The following TIMM23 variants were observed in gnomAD, a reference collection of about 807,000 sequenced individuals.
The protein encoded by TIMM23 is translocase of inner mitochondrial membrane 23, also known as mitochondrial import inner membrane translocase subunit Tim23.
TIMM23 carries 19 observed loss-of-function variants against 30.7 expected under a neutral mutation model. That is an observed-to-expected ratio of 0.62 (90% CI 0.43 to 0.91). TIMM23 has a LOEUF of 0.91. TIMM23 is among the 40% of genes least tolerant of loss of function. TIMM23 has a pLI of 0.00. For missense variants in TIMM23, 202 were observed against 269.2 expected (o/e 0.75, Z 1.75); for synonymous variants, 78 against 98.5 (o/e 0.79, Z 1.23).
intron 6 of TIMM23, among the ~76,000 whole-genome samples, chr10:45,992,064 T>C (rs1293164950): frequency 1.3e-5 from 2 of 151,900 alleles, no homozygotes; most frequent in Non-Finnish European, 2.9e-5. Context: ...ACTCCTGGGC[T>C]CAAGGGATCC....
intron 5 of TIMM23, among the ~76,000 whole-genome samples, chr10:45,985,737 A>C (rs1759742597): frequency 6.6e-6 from 1 of 152,234 alleles, no homozygotes; most frequent in Non-Finnish European, 1.5e-5. Flanking sequence ...AAATCCAGGT[A>C]ATTTAGGTCC....
chr10:45,995,491 A>G (rs1838301034), intron 6 of TIMM23, among the ~76,000 whole-genome samples: 1 of 137,936 alleles, frequency 7.2e-6, no homozygotes, highest in Non-Finnish European at 1.5e-5. Context: ...ATTCAGAAGA[A>G]GCTGGAATCC....
rs1475721146 is a variant in TIMM23, at chr10:45,977,994, C to T, written c.165+2482C>T. 5.1e-4 allele frequency among the ~76,000 whole-genome samples: 77 copies of T among 151,700 alleles called. 2 individuals carry two copies. Among genetic ancestry groups the T allele is most frequent in the African/African-American group, 2.9e-4 (12 of 41,336 alleles). On this transcript the variant is annotated intron_variant, in intron 2 of 6. Coordinates refer to ENST00000580018, the MANE Select transcript of TIMM23 (RefSeq NM_006327.4). ...TGCGGTGAGCCAAGATCGCGCCACCCGCACTTCAGCCTGGGCAACAGAGTA... is the reference window on the plus strand; with the variant it reads ...TGCGGTGAGCCAAGATCGCGCCACCTGCACTTCAGCCTGGGCAACAGAGTA...
rs1837521314 is a variant in TIMM23 at position 45,972,563 on chromosome 10, C to A, written c.-62C>A. On this transcript the variant is annotated 5_prime_UTR_variant, in exon 1 of 7. Transcript: ENST00000580018. Reference sequence around the variant, plus strand: ...GTTACCCGCTGTTATTGAGGAGTAACGGCCCAGCGGACCACCCAGGCTTGA... The same window carrying A: ...GTTACCCGCTGTTATTGAGGAGTAAAGGCCCAGCGGACCACCCAGGCTTGA... 9 of 1,565,354 alleles carry A rather than the reference C, an allele frequency of 5.7e-6. No individual in the cohort carries two copies. Among genetic ancestry groups the A allele is most frequent in the East Asian group, 4.6e-5 (2 of 43,664 alleles).
In TIMM23 at chr10:45,993,213, T is replaced by C. The variant is rs1442053917; in HGVS notation, c.514+4366T>C. Among the ~76,000 whole-genome samples, 11 of 146,192 alleles carry C rather than the reference T, an allele frequency of 7.5e-5. No homozygotes were observed. In the Admixed American group the frequency reaches 7.7e-4, roughly 10 times the overall value. Reference sequence around the variant, plus strand: ...GCCAAATGACCCTTCTAGTACTTGCTAACGTTTGCCAGTGTGAGCATCTAC... The same window carrying C: ...GCCAAATGACCCTTCTAGTACTTGCCAACGTTTGCCAGTGTGAGCATCTAC... On this transcript the variant is annotated intron_variant, in intron 6 of 6. Transcript: ENST00000580018.
chr10:45,991,637 GCTA>G (rs2132270338), intron 6 of TIMM23, among the ~76,000 whole-genome samples: 1 of 152,178 alleles, frequency 6.6e-6, no homozygotes, highest in East Asian at 1.9e-4. Context: ...TGAAATCCCA[GCTA>G]CTCGGGAGGC....
chr10:45,977,683 A>C (rs1175587450), intron 2 of TIMM23, among the ~76,000 whole-genome samples: 2 of 152,254 alleles, frequency 1.3e-5, no homozygotes, highest in Non-Finnish European at 2.9e-5. Context: ...GTAAAAAGAA[A>C]GTTGATAAAT....
At chr10:45,995,927 A>G (rs1838314646) in intron 6 of TIMM23, among the ~76,000 whole-genome samples, 2 of 149,006 alleles carry the variant, frequency 1.3e-5, no homozygotes, top group Admixed American at 1.3e-4. Context: ...ATGCTACGTG[A>G]TATTTGTGGT....
intron 6 of TIMM23, among the ~76,000 whole-genome samples, chr10:46,002,091 C>T (rs1327430410): frequency 1.3e-5 from 2 of 152,114 alleles, no homozygotes; most frequent in South Asian, 4.1e-4. Context: ...AGGTGTCACT[C>T]ACTGTTTTTT....
At chr10:46,003,076 C>T (rs1590136572) in intron 6 of TIMM23, 127 bp from the exon 7 acceptor site, 1 of 671,552 alleles carries the variant, frequency 1.5e-6, no homozygotes, top group Non-Finnish European at 2.5e-6. Context: ...CTCGGCCTCC[C>T]GAAGTGCTGG....
chr10:45,998,361 G>A (rs1838411429), intron 6 of TIMM23: 2 of 984,882 alleles, frequency 2.0e-6, no homozygotes, highest in East Asian at 1.1e-4. Context: ...CTATCGCTTT[G>A]GAAGAACTAC....
At chr10:45,990,707 G>A (rs1390280330) in intron 6 of TIMM23, 27 of 420,704 alleles carry the variant, frequency 6.4e-5, no homozygotes, top group African/African-American at 5.6e-4. Flanking sequence ...GCAGATGTGA[G>A]CTACCATGCC....
At chr10:45,990,271 T>C (rs1554915509) in intron 6 of TIMM23, among the ~76,000 whole-genome samples, 63 of 151,544 alleles carry the variant, frequency 4.2e-4, no homozygotes, top group Non-Finnish European at 8.0e-4. Context: ...TGGAGGCACA[T>C]ACCATCACAT....
At chr10:45,972,935 C>G (rs1240366710) in intron 1 of TIMM23, among the ~76,000 whole-genome samples, 2 of 152,276 alleles carry the variant, frequency 1.3e-5, no homozygotes, top group Non-Finnish European at 2.9e-5. Context: ...CCTGGGGAAG[C>G]TGTCCGTGAT....
intron 6 of TIMM23, among the ~76,000 whole-genome samples, chr10:45,993,294 G>A (rs1353931149): frequency 1.4e-5 from 2 of 141,932 alleles, no homozygotes; most frequent in East Asian, 2.1e-4. Context: ...TGGCCAGACT[G>A]GAGTGCAATG....
chr10:45,979,370 C>T (rs1440884826), intron 2 of TIMM23, among the ~76,000 whole-genome samples: 1 of 152,148 alleles, frequency 6.6e-6, no homozygotes, highest in African/African-American at 2.4e-5. Context: ...CATCATAGCT[C>T]ACTGTAACCT....
rs80256406 is a variant in TIMM23, at chr10:45,997,993, T to C, written c.515-5210T>C. On this transcript the variant is annotated intron_variant, in intron 6 of 6. Transcript: ENST00000580018. Reference sequence around the variant, plus strand: ...GACAGCTGCTGACAGTCCTCAACAATGGCATTTAGTAGTCATGTTAGTATG... The same window carrying C: ...GACAGCTGCTGACAGTCCTCAACAACGGCATTTAGTAGTCATGTTAGTATG... Among the ~76,000 whole-genome samples, 1,041 of 152,250 alleles carry C rather than the reference T, an allele frequency of 6.8e-3. 12 individuals are homozygous for C. Among genetic ancestry groups the C allele is most frequent in the African/African-American group, 0.024 (981 of 41,530 alleles).
chr10:45,997,131 A>G (rs1274200031), intron 6 of TIMM23, among the ~76,000 whole-genome samples: 1 of 152,074 alleles, frequency 6.6e-6, no homozygotes, highest in Non-Finnish European at 1.5e-5. Context: ...TGAGGTGGGA[A>G]GATCACTTGA....
chr10:45,991,751 CA>C (rs1175540265), intron 6 of TIMM23, among the ~76,000 whole-genome samples: 56 of 133,818 alleles, frequency 4.2e-4, no homozygotes, highest in East Asian at 1.1e-3. Flanking sequence ...AACTCTGTCT[CA>C]AAAAAAAAAA....
Sources: allele counts gnomAD v4.1 joint callset (sites outside exome capture counted in the v4.1 genomes callset), GRCh38; gene constraint gnomAD v4.1.1; transcripts MANE v1.5; gene names NCBI Gene and HGNC (gene_info 2026-07-23, HGNC 2026-07-21).